Variants in SFPQ observed in about 807,000 individuals in gnomAD.
SFPQ encodes the protein splicing factor proline and glutamine rich.
SFPQ carries 11 observed loss-of-function variants against 72.9 expected under a neutral mutation model. That is an observed-to-expected ratio of 0.15 (90% confidence interval 0.09 to 0.25). SFPQ has a LOEUF of 0.25. Ranked by LOEUF, SFPQ falls within the 10% of genes least tolerant of loss-of-function variation. The pLI is 1.00. For missense variants in SFPQ, 847 were observed against 993.3 expected (o/e 0.85, Z 1.98); for synonymous variants, 506 against 367.3 (o/e 1.38, Z -4.32).
At chr1:35,189,152 C>T (rs889165755) in intron 5 of SFPQ, 34 bp downstream of exon 5, 2 of 1,613,380 alleles carry the variant, frequency 1.2e-6, no homozygotes, top group African/African-American at 1.3e-5. Flanking sequence ...AACAATTGAC[C>T]TTAGCAATGA....
At chr1:35,180,175 T>A (rs1261848553), downstream of SFPQ, 28 of 1,050,702 alleles carry the variant, frequency 2.7e-5, no homozygotes, top group Admixed American at 5.5e-5. Context: ...TAAACCACTT[T>A]CCAGTTACAG....
chr1:35,181,682 G>A (rs924664566), downstream of SFPQ: 3 of 1,060,844 alleles, frequency 2.8e-6, no homozygotes, highest in East Asian at 5.2e-5. Flanking sequence ...TGGAGAAGAG[G>A]AAATGGGGAC....
chr1:35,191,712 C>T (rs1640007903), intron 1 of SFPQ, among the ~76,000 whole-genome samples, 183 bp from the exon 2 acceptor site: 1 of 152,184 alleles, frequency 6.6e-6, no homozygotes, highest in East Asian at 1.9e-4. Flanking sequence ...GGAGCCCCAT[C>T]ATCCAGAATG....
intron 1 of SFPQ, among the ~76,000 whole-genome samples, chr1:35,191,807 A>G (rs1227768136): frequency 6.6e-6 from 1 of 152,208 alleles, no homozygotes; most frequent in African/African-American, 2.4e-5. Context: ...AAAAAAATCT[A>G]AATAGTATGA....
Position 35,192,301 on chromosome 1 carries a change from G to C in SFPQ, c.749C>G (p.Pro250Arg). The change falls in exon 1 of 10, where the codon CCC (proline) becomes CGC (arginine). Residue 250 changes from proline to arginine, a missense_variant. Pro to Arg is a moderately radical substitution (Grantham distance 103, BLOSUM62 -2). Coordinates refer to ENST00000357214, the MANE Select transcript of SFPQ (RefSeq NM_005066.3). ...EPRGGRQHHPPYHQQHHQGPP... is the reference protein window; with the variant it reads ...EPRGGRQHHPRYHQQHHQGPP... ...CCCCTGGTGATGCTGCTGGTGGTAG[G>C]GCGGGTGGTGCTGGCGGCCCCCGCG... The C allele has an allele frequency of 6.9e-7, 1 of 1,452,894 alleles. No individual in the cohort carries two copies. Among genetic ancestry groups the C allele is most frequent in the Non-Finnish European group, 9.0e-7 (1 of 1,112,426 alleles). 90.0% of individuals were successfully genotyped at this position (1,452,894 alleles called of 1,614,324 possible). A position where few individuals can be genotyped will look rare whatever the true frequency, so the allele number is the denominator to read the frequency against.
Position 35,192,883 on chromosome 1 carries a change from G to T in SFPQ, c.167C>A (p.Pro56His). The change falls in exon 1 of 10, where the codon CCT becomes CAT. Residue 56 changes from proline to histidine, a missense_variant. By Grantham distance (77) the Pro-to-His change is moderately conservative (BLOSUM62 -2). Coordinates refer to ENST00000357214, the MANE Select transcript of SFPQ (RefSeq NM_005066.3). ...AGGCGGTGGCGGGATCGGAGGCTTA[G>T]GGCCGCTCTGGCCCGGGCCAGGACC... The part of the protein sequence containing the change: ...PMGPGPGQSG[P>H]KPPIPPPPPH... The T allele has an allele frequency of 6.5e-7, 1 of 1,543,164 alleles. No homozygotes were observed. The highest frequency in any genetic ancestry group is 1.9e-5 in the Admixed American group (1 of 53,178).
chr1:35,178,187 T>C, downstream of SFPQ: 1 of 1,066,848 alleles, frequency 9.4e-7, no homozygotes, highest in South Asian at 3.6e-5. Flanking sequence ...AGAAACTTCA[T>C]GGTGGGGGGG....
At chr1:35,188,521 A>G (rs979633625) in intron 6 of SFPQ, among the ~76,000 whole-genome samples, 3 of 152,198 alleles carry the variant, frequency 2.0e-5, no homozygotes, top group African/African-American at 7.2e-5. Context: ...AAATACAAAA[A>G]AAATTAAAAA....
At chr1:35,179,412 G>A, downstream of SFPQ, 2 of 1,056,472 alleles carry the variant, frequency 1.9e-6, no homozygotes, top group Non-Finnish European at 2.3e-6. Context: ...CTGTTCCAAG[G>A]GCCTAACAGT....
intron 2 of SFPQ, 114 bp from the exon 3 acceptor site, chr1:35,191,109 A>T (rs760294936): frequency 1.0e-6 from 1 of 988,912 alleles, no homozygotes; most frequent in African/African-American, 1.6e-5. Context: ...TTCGACCATT[A>T]CCTTTAGGCA....
rs781020627 is a variant in SFPQ, at chr1:35,192,694, G to A, written c.356C>T (p.Pro119Leu). The A allele has an allele frequency of 5.6e-6, 8 of 1,440,594 alleles. No homozygotes were observed. Among genetic ancestry groups the A allele is most frequent in the Non-Finnish European group, 6.3e-6 (7 of 1,105,308 alleles). 89.2% of individuals were successfully genotyped at this position (1,440,594 alleles called of 1,614,324 possible). ...PVVAQGPGPAPGVGSAPPASS... is the reference protein window; with the variant it reads ...PVVAQGPGPALGVGSAPPASS... ...GGCTGGTGGTGCGCTGCCTACTCCGGGAGCGGGGCCGGGTCCCTGAGCAAC... is the reference window on the plus strand; with the variant it reads ...GGCTGGTGGTGCGCTGCCTACTCCGAGAGCGGGGCCGGGTCCCTGAGCAAC... Residue 119 changes from proline to leucine, a missense_variant, in exon 1 of 10, where the codon CCC becomes CTC. Pro to Leu is a moderately conservative substitution (Grantham distance 98). Coordinates refer to ENST00000357214, the MANE Select transcript of SFPQ (RefSeq NM_005066.3).
In SFPQ at chr1:35,183,229, T is replaced by C; in HGVS notation, c.*1227A>G. ...AAACCTACTTCAGTACTAAACCTTT[T>C]TTTTTTTTTGAGACAGAGTCTCGCT... On this transcript the variant is annotated 3_prime_UTR_variant, in exon 10 of 10. Coordinates refer to ENST00000357214, the MANE Select transcript of SFPQ (RefSeq NM_005066.3). 1 of 923,840 alleles carries C rather than the reference T, an allele frequency of 1.1e-6. No homozygotes were observed. The highest frequency in any genetic ancestry group is 1.3e-6 in the Non-Finnish European group (1 of 763,132). 57.2% of individuals were successfully genotyped at this position (923,840 alleles called of 1,614,324 possible).
rs1222323381 is a variant in SFPQ at position 35,183,814 on chromosome 1, C to CA, written c.*641dup. The CA allele has an allele frequency of 2.8e-5, 30 of 1,055,844 alleles. No homozygotes were observed. Among genetic ancestry groups the CA allele is most frequent in the Admixed American group, 5.4e-5 (1 of 18,376 alleles). The allele number at this position is 1,055,844 out of a possible 1,614,324, so 65.4% of individuals were successfully genotyped here. On this transcript the variant is annotated 3_prime_UTR_variant, in exon 10 of 10. Coordinates refer to ENST00000357214, the MANE Select transcript of SFPQ (RefSeq NM_005066.3). ...CACCCCCTACCAATTGTCTTACACCCATTCCACAATCTTAATACATATTCC... is the reference window on the plus strand; with the variant it reads ...CACCCCCTACCAATTGTCTTACACCCAATTCCACAATCTTAATACATATTCC...
chr1:35,177,972 T>G (rs1221007391), downstream of SFPQ: 2 of 1,231,794 alleles, frequency 1.6e-6, no homozygotes, highest in East Asian at 9.4e-5. Flanking sequence ...GGGTTAAGAT[T>G]TCTAAAGGAA....
chr1:35,184,036 A>C lies in SFPQ; in HGVS notation c.*420T>G, dbSNP rs1436809212. ...CCCAGAAATGGCATATGCCATTCAA[A>C]GGCCTAGACACTCTCATGCTTTCAA... On this transcript the variant is annotated 3_prime_UTR_variant, in exon 10 of 10. Transcript: ENST00000357214. 1 of 1,059,680 alleles carries C rather than the reference A, an allele frequency of 9.4e-7. No individual in the cohort carries two copies. The highest frequency in any genetic ancestry group is 1.1e-6 in the Non-Finnish European group (1 of 876,036). 65.6% of individuals were successfully genotyped at this position (1,059,680 alleles called of 1,614,324 possible).
rs1246433763 is a variant in SFPQ at position 35,192,807 on chromosome 1, C to G, written c.243G>C (p.Gln81His). The G allele has an allele frequency of 2.3e-5, 34 of 1,503,262 alleles. No homozygotes were observed. Among genetic ancestry groups the G allele is most frequent in the Non-Finnish European group, 3.0e-5 (34 of 1,134,188 alleles). 93.1% of individuals were successfully genotyped at this position (1,503,262 alleles called of 1,614,324 possible). A position where few individuals can be genotyped will look rare whatever the true frequency, so the allele number is the denominator to read the frequency against. Residue 81 changes from glutamine (Q) to histidine (H), a missense_variant, in exon 1 of 10, where the codon CAG (glutamine) becomes CAC (histidine). Coordinates refer to ENST00000357214, the MANE Select transcript of SFPQ (RefSeq NM_005066.3). ...GCGGCGGCGGCTGATGCGGTGGCGG[C>G]TGCTGCGGCGGTGGCTGCTGCGGTG... ...QPPPQQPPPQ[Q>H]PPPHQPPPHP... is the part of the protein sequence containing the mutation.
chr1:35,178,434 G>A (rs1421280401), downstream of SFPQ: 3 of 1,063,686 alleles, frequency 2.8e-6, no homozygotes, highest in Admixed American at 5.4e-5. Context: ...CCCCATTCAA[G>A]TATGTCTTCC....
At chr1:35,177,956 C>A, downstream of SFPQ, 2 of 1,081,574 alleles carry the variant, frequency 1.8e-6, no homozygotes, top group South Asian at 3.2e-5. Flanking sequence ...ACTCAAAAGC[C>A]TGTAGGGGTT....
chr1:35,190,159 C>A (rs1432797684), intron 4 of SFPQ, among the ~76,000 whole-genome samples: 1 of 152,154 alleles, frequency 6.6e-6, no homozygotes, highest in African/African-American at 2.4e-5. Flanking sequence ...ACCTGGGAGG[C>A]TGAGGCAGGA....
Sources: gnomAD v4.1 joint callset for allele counts (sites outside exome capture counted in the v4.1 genomes callset) on GRCh38, gnomAD v4.1.1 for gene constraint, MANE v1.5 for transcripts, NCBI Gene and HGNC (gene_info 2026-07-23, HGNC 2026-07-21) for gene names.